PAX5: variants seen among roughly 807,000 people sequenced by gnomAD.
PAX5 encodes paired box protein Pax-5.
PAX5 carries 9 observed loss-of-function variants against 43.7 expected under a neutral mutation model. That is an observed-to-expected ratio of 0.21 (90% CI 0.12 to 0.36). The LOEUF is 0.36. Among genes scored for constraint, PAX5 ranks in the 10% least tolerant of loss-of-function variants. The probability of loss-of-function intolerance (pLI) is 1.00; values close to 1 mark genes in which losing one functional copy is unlikely to be tolerated. For missense variants in PAX5, 383 were observed against 532.7 expected, an observed-to-expected ratio of 0.72 and a Z score of 2.77; for synonymous variants, 228 against 214.3, an observed-to-expected ratio of 1.06 and a Z score of -0.56.
At position 36,908,388 on chromosome 9, in the gene PAX5, A is replaced by G. The variant is rs149831500; in HGVS notation, c.910+14967T>C. Among the ~76,000 whole-genome samples the G allele has an allele frequency of 2.8e-4, 42 of 151,740 alleles. No homozygotes were observed. In the East Asian group the frequency reaches 8.0e-3, roughly 29 times the overall value. ...GTCAAAAGCACTTGGCTTCTCCCAC[A>G]ATATTTCTCTTTCTTTTTCATTTTT... is the stretch of plus-strand genomic sequence containing the variant. On this transcript the variant is annotated intron_variant, in intron 7 of 9. Coordinates refer to ENST00000358127, the MANE Select transcript of PAX5 (RefSeq NM_016734.3).
At chr9:36,976,776 G>A (rs752539387) in intron 5 of PAX5, among the ~76,000 whole-genome samples, 1 of 152,204 alleles carries the variant, frequency 6.6e-6, no homozygotes, top group Non-Finnish European at 1.5e-5. Flanking sequence ...TGTGCCGGGT[G>A]TTACCCAATG....
At chr9:37,019,045 C>T (rs1839634887) in intron 2 of PAX5, among the ~76,000 whole-genome samples, 1 of 152,116 alleles carries the variant, frequency 6.6e-6, no homozygotes. Flanking sequence ...TCTCTCGGTA[C>T]AATGAAGAGG....
intron 8 of PAX5, among the ~76,000 whole-genome samples, chr9:36,851,001 C>G (rs1195576300): frequency 6.6e-6 from 1 of 152,228 alleles, no homozygotes; most frequent in Admixed American, 6.5e-5. Flanking sequence ...GTGGTGGACA[C>G]AGGCATTCCT....
rs1380061081 is a variant in PAX5, at chr9:36,988,514, A to G, written c.604+14134T>C. 3.9e-5 allele frequency among the ~76,000 whole-genome samples: 6 copies of G among 152,152 alleles called. No homozygotes were observed. The East Asian group carries it at 1.2e-3, about 29-fold the overall frequency. On this transcript the variant is annotated intron_variant, in intron 5 of 9. Coordinates refer to ENST00000358127, the MANE Select transcript of PAX5 (RefSeq NM_016734.3). ...TGTCTTGACAAAAAAATTTTAAAAA[A>G]TAGCCGGGTGTGGTGGTGCATGCCT...
chr9:36,857,532 C>G (rs1167472138), intron 8 of PAX5, among the ~76,000 whole-genome samples: 1 of 152,182 alleles, frequency 6.6e-6, no homozygotes, highest in Non-Finnish European at 1.5e-5. Flanking sequence ...GATTCAGAAG[C>G]AGAGTAGAAA....
chr9:36,892,325 G>C (rs1265223119), intron 7 of PAX5, among the ~76,000 whole-genome samples: 2 of 152,188 alleles, frequency 1.3e-5, no homozygotes, highest in African/African-American at 2.4e-5. Flanking sequence ...ACACTGTCCT[G>C]AGTGCTCTAA....
chr9:36,960,273 G>C (rs540233156), intron 6 of PAX5, among the ~76,000 whole-genome samples: 1 of 152,184 alleles, frequency 6.6e-6, no homozygotes, highest in Admixed American at 6.5e-5. Context: ...TACCTGTCAC[G>C]AAACACGCTC....
chr9:36,964,109 C>A (rs1036268294), intron 6 of PAX5, among the ~76,000 whole-genome samples: 1 of 151,812 alleles, frequency 6.6e-6, no homozygotes, highest in African/African-American at 2.4e-5. Context: ...CGAAACCCTG[C>A]CCCTACTAAA....
At chr9:37,003,953 C>T (rs1252525596) in intron 4 of PAX5, among the ~76,000 whole-genome samples, 1 of 152,276 alleles carries the variant, frequency 6.6e-6, no homozygotes, top group African/African-American at 2.4e-5. Context: ...CAATAATATA[C>T]TTCACATGAA....
At chr9:36,956,217 CTG>C (rs1382977512) in intron 6 of PAX5, among the ~76,000 whole-genome samples, 1 of 152,152 alleles carries the variant, frequency 6.6e-6, no homozygotes. Context: ...CATGGCATAT[CTG>C]TAAAAATTTC....
intron 7 of PAX5, among the ~76,000 whole-genome samples, chr9:36,903,612 T>C (rs2131868730): frequency 6.6e-6 from 1 of 152,284 alleles, no homozygotes; most frequent in East Asian, 1.9e-4. Flanking sequence ...ACAGCATGTT[T>C]CCCAAGAAAG....
At chr9:36,935,020 G>A (rs1043088692) in intron 6 of PAX5, among the ~76,000 whole-genome samples, 3 of 152,194 alleles carry the variant, frequency 2.0e-5, no homozygotes, top group South Asian at 2.1e-4. Context: ...AGGTTGCCAC[G>A]GACATGGGCC....
intron 6 of PAX5, among the ~76,000 whole-genome samples, chr9:36,925,884 C>A (rs1037575246): frequency 6.6e-6 from 1 of 152,180 alleles, no homozygotes. Context: ...TCATAACCAC[C>A]ATTCCCCAGG....
At position 36,837,860 on chromosome 9, in the gene PAX5, G is replaced by A. The variant is rs1821751610; in HGVS notation, c.*2700C>T. On this transcript the variant is annotated 3_prime_UTR_variant, in exon 10 of 10. Transcript: ENST00000358127. Reference sequence around the variant, plus strand: ...TGTGAGCCAGGTGGGCTTTGCCGAGGAAGGATGCTGCATGCCTCAGGCAGC... The same window carrying A: ...TGTGAGCCAGGTGGGCTTTGCCGAGAAAGGATGCTGCATGCCTCAGGCAGC... The A allele has an allele frequency of 4.3e-6, 1 of 233,420 alleles. No individual in the cohort carries two copies. The highest frequency in any genetic ancestry group is 8.5e-6 in the Non-Finnish European group (1 of 118,208). The allele number at this position is 233,420 out of a possible 1,614,324, so 14.5% of individuals were successfully genotyped here. A position where few individuals can be genotyped will look rare whatever the true frequency, so the allele number is the denominator to read the frequency against.
intron 8 of PAX5, among the ~76,000 whole-genome samples, chr9:36,854,496 A>G (rs1030522994): frequency 2.0e-5 from 3 of 152,308 alleles, no homozygotes; most frequent in African/African-American, 7.2e-5. Flanking sequence ...ACCTTGGACA[A>G]GTCATTTCTC....
intron 6 of PAX5, among the ~76,000 whole-genome samples, chr9:36,955,155 T>G (rs1048355242): frequency 6.6e-6 from 1 of 152,204 alleles, no homozygotes; most frequent in Non-Finnish European, 1.5e-5. Flanking sequence ...TTAATCATTT[T>G]CTAGTCTCTT....
chr9:36,949,880 C>A (rs1008582126), intron 6 of PAX5, among the ~76,000 whole-genome samples: 1 of 152,222 alleles, frequency 6.6e-6, no homozygotes, highest in Non-Finnish European at 1.5e-5. Flanking sequence ...TAGTGAAATG[C>A]GGCCATTCCT....
At position 36,956,767 on chromosome 9, in the gene PAX5, A is replaced by G. The variant is rs538419001; in HGVS notation, c.780+9782T>C. Reference sequence around the variant, plus strand: ...AATCAAGTGAGGTCCCATAGAGTCCATGTAATTTTCATCCTTGGGTCACTT... The same window carrying G: ...AATCAAGTGAGGTCCCATAGAGTCCGTGTAATTTTCATCCTTGGGTCACTT... On this transcript the variant is annotated intron_variant, in intron 6 of 9. Transcript: ENST00000358127. Among the ~76,000 whole-genome samples the G allele has an allele frequency of 2.2e-4, 34 of 152,350 alleles. 1 individual carries two copies. In the South Asian group the frequency reaches 7.0e-3, roughly 32 times the overall value.
intron 5 of PAX5, among the ~76,000 whole-genome samples, chr9:37,002,150 C>G (rs1837927945): frequency 2.0e-5 from 3 of 152,182 alleles, no homozygotes; most frequent in Admixed American, 2.0e-4. Context: ...ACACCATCAT[C>G]AGGGCTGAAG....
Sources: allele counts gnomAD v4.1 joint callset (sites outside exome capture counted in the v4.1 genomes callset), GRCh38; gene constraint gnomAD v4.1.1; transcripts MANE v1.5; gene names NCBI Gene and HGNC (gene_info 2026-07-23, HGNC 2026-07-21).